Variants in ADRA1A observed in about 807,000 individuals in gnomAD.
ADRA1A encodes the protein alpha-1A adrenergic receptor.
ADRA1A carries 31 observed loss-of-function variants against 29.6 expected under a neutral mutation model. The observed-to-expected ratio is 1.05, with a 90% CI of 0.79 to 1.41. The LOEUF (loss-of-function observed/expected upper bound fraction) is 1.41. Ranked by LOEUF, ADRA1A falls within the 40% of genes most tolerant of loss-of-function variation. The pLI is 0.00. For missense variants in ADRA1A, 619 were observed against 601.1 expected, an observed-to-expected ratio of 1.03 and a Z score of -0.31; for synonymous variants, 311 against 254.3, an observed-to-expected ratio of 1.22 and a Z score of -2.12.
chr8:26,807,724 G>A (rs970706603), intron 2 of ADRA1A, among the ~76,000 whole-genome samples: 1 of 152,138 alleles, frequency 6.6e-6, no homozygotes, highest in African/African-American at 2.4e-5. Context: ...AAACTAGGAA[G>A]TTACTTAGAA....
At chr8:26,840,065 C>G (rs192543347) in intron 2 of ADRA1A, among the ~76,000 whole-genome samples, 1 of 152,338 alleles carries the variant, frequency 6.6e-6, no homozygotes, top group African/African-American at 2.4e-5. Context: ...TTGCACTTGG[C>G]TGGGGTTGTT....
chr8:26,824,862 T>A (rs1201987014), intron 2 of ADRA1A, among the ~76,000 whole-genome samples: 1 of 152,212 alleles, frequency 6.6e-6, no homozygotes, highest in Non-Finnish European at 1.5e-5. Context: ...TCATGTTAAA[T>A]GAGCCCATCT....
intron 2 of ADRA1A, among the ~76,000 whole-genome samples, chr8:26,820,470 ATACTTTC>A (rs1169965962): frequency 1.3e-5 from 2 of 152,182 alleles, no homozygotes; most frequent in Non-Finnish European, 2.9e-5. Context: ...AGCCCCAGGG[ATACTTTC>A]TTGACTAAAC....
At chr8:26,759,256 G>T (rs1455996388) in intron 2 of ADRA1A, among the ~76,000 whole-genome samples, 1 of 152,190 alleles carries the variant, frequency 6.6e-6, no homozygotes, top group Non-Finnish European at 1.5e-5. Context: ...TAGGTATCAG[G>T]GTTGCATATG....
In ADRA1A at chr8:26,859,013, A is replaced by G. The variant is rs1314483894; in HGVS notation, c.883+5074T>C. 3.3e-6 allele frequency: 4 copies of G among 1,209,296 alleles called. No individual in the cohort carries two copies. In the East Asian group the frequency reaches 1.7e-4, roughly 52 times the overall value. The allele number at this position is 1,209,296 out of a possible 1,614,324, so 74.9% of individuals were successfully genotyped here. On this transcript the variant is annotated intron_variant, in intron 2 of 2. Transcript: ENST00000380573. ...CACAATATACAGGAAGGACCTTTGC[A>G]GTCAAATAGCCTACTCACCTGATTT...
chr8:26,814,688 C>T lies in ADRA1A; in HGVS notation c.884-44022G>A, dbSNP rs74808974. 5.2e-3 allele frequency among the ~76,000 whole-genome samples: 788 copies of T among 152,274 alleles called. 2 individuals are homozygous for T. The highest frequency in any genetic ancestry group is 8.4e-3 in the Non-Finnish European group (573 of 68,016). On this transcript the variant is annotated intron_variant, in intron 2 of 2. Transcript: ENST00000380573. ...TCTTTCTCTCCATCTATTTACTCATCCATCTACCCTTCCATCTAGAGAGAT... is the reference window on the plus strand; with the variant it reads ...TCTTTCTCTCCATCTATTTACTCATTCATCTACCCTTCCATCTAGAGAGAT...
At chr8:26,759,054 G>C (rs536712080) in intron 2 of ADRA1A, among the ~76,000 whole-genome samples, 1 of 152,154 alleles carries the variant, frequency 6.6e-6, no homozygotes. Flanking sequence ...AAATGATTTC[G>C]TTGTCAGGAA....
At chr8:26,760,808 C>T (rs1805468103) in intron 2 of ADRA1A, among the ~76,000 whole-genome samples, 1 of 152,236 alleles carries the variant, frequency 6.6e-6, no homozygotes, top group African/African-American at 2.4e-5. Flanking sequence ...GCTGTGATTC[C>T]CCACTGCTGA....
chr8:26,840,189 A>T lies in ADRA1A; in HGVS notation c.883+23898T>A, dbSNP rs576302960. The stretch of plus-strand genomic sequence containing the variant: ...ATTCCCTTCCAATGGACACAGTTAG[A>T]CATATACAGAAGTCACAACTGGATG... On this transcript the variant is annotated intron_variant, in intron 2 of 2. Coordinates refer to ENST00000380573, the MANE Select transcript of ADRA1A (RefSeq NM_000680.4). 4.6e-5 allele frequency among the ~76,000 whole-genome samples: 7 copies of T among 152,344 alleles called. No homozygotes were observed. In the East Asian group the frequency reaches 1.4e-3, roughly 29 times the overall value.
At chr8:26,838,957 C>T (rs1811591974) in intron 2 of ADRA1A, among the ~76,000 whole-genome samples, 1 of 152,112 alleles carries the variant, frequency 6.6e-6, no homozygotes, top group South Asian at 2.1e-4. Flanking sequence ...CTAGCTCTAT[C>T]CTGGACAAGT....
rs549032450 is a variant in ADRA1A, at chr8:26,866,784, G to T, written c.-687+152C>A. Among the ~76,000 whole-genome samples, 10 of 152,240 alleles carry T rather than the reference G, an allele frequency of 6.6e-5. No individual in the cohort carries two copies. Among genetic ancestry groups the T allele is most frequent in the Non-Finnish European group, 1.3e-4 (9 of 68,042 alleles). On this transcript the variant is annotated intron_variant, in intron 1 of 2. Transcript: ENST00000380573. This position sits in a 1 kb window ranked among gnomAD's most constrained non-coding sequence, Gnocchi z 5.7. ...GAAGGCAACTTCGCAGAAGATGTAA[G>T]GGAATCGGGGGTGGGGTAGAGGGGC...
intron 2 of ADRA1A, among the ~76,000 whole-genome samples, chr8:26,855,895 C>T (rs1197279867): frequency 6.6e-6 from 1 of 152,158 alleles, no homozygotes; most frequent in Non-Finnish European, 1.5e-5. Flanking sequence ...AGAAAACTGT[C>T]CTCATATCCA....
In ADRA1A at chr8:26,823,640, A is replaced by G. The variant is rs1404894408; in HGVS notation, c.883+40447T>C. On this transcript the variant is annotated intron_variant, in intron 2 of 2. Transcript: ENST00000380573. The surrounding 1 kb of genome is among the most constrained non-coding windows in gnomAD (Gnocchi z 4.2). ...TGTCACCACCTATCTAAGTGGCACC[A>G]GGAAGCCCACCTTCCTTTTTCCTAT... Among the ~76,000 whole-genome samples the G allele has an allele frequency of 6.6e-6, 1 of 152,200 alleles. No individual in the cohort carries two copies. The highest frequency in any genetic ancestry group is 2.4e-5 in the African/African-American group (1 of 41,440).
chr8:26,794,999 T>A (rs1172462373), intron 2 of ADRA1A, among the ~76,000 whole-genome samples: 1 of 152,088 alleles, frequency 6.6e-6, no homozygotes, highest in Non-Finnish European at 1.5e-5. Flanking sequence ...AACGTTGTAT[T>A]TTTTAAAAAA....
At chr8:26,801,078 C>T (rs116936795) in intron 2 of ADRA1A, among the ~76,000 whole-genome samples, 106 of 152,204 alleles carry the variant, frequency 7.0e-4, no homozygotes, top group Middle Eastern at 6.8e-3. Context: ...AATTCAACAT[C>T]GCTTCATGAT....
downstream of ADRA1A, among the ~76,000 whole-genome samples, chr8:26,761,914 A>G (rs1412990308): frequency 6.6e-6 from 1 of 152,218 alleles, no homozygotes; most frequent in Non-Finnish European, 1.5e-5. Flanking sequence ...AGAGCGCCAG[A>G]AGAGAAAGAA....
chr8:26,795,445 G>T (rs1330113957), intron 2 of ADRA1A, among the ~76,000 whole-genome samples: 4 of 152,000 alleles, frequency 2.6e-5, no homozygotes, highest in Non-Finnish European at 5.9e-5. Flanking sequence ...GATAAGTAAA[G>T]AACCAGGCGT....
downstream of ADRA1A, among the ~76,000 whole-genome samples, chr8:26,767,726 T>C (rs865814140): frequency 5.3e-5 from 8 of 152,292 alleles, no homozygotes; most frequent in Middle Eastern, 3.4e-3. Flanking sequence ...TAAAGGATCA[T>C]CTCAAACATG....
At chr8:26,861,154 C>T (rs1387489533) in intron 2 of ADRA1A, among the ~76,000 whole-genome samples, 1 of 152,166 alleles carries the variant, frequency 6.6e-6, no homozygotes, top group African/African-American at 2.4e-5. Context: ...GCATGTGACA[C>T]AGCTGATTAC....
Sources: gnomAD v4.1 joint callset for allele counts (sites outside exome capture counted in the v4.1 genomes callset) on GRCh38, gnomAD v4.1.1 for gene constraint, Gnocchi (gnomAD v3.1) non-coding constraint, MANE v1.5 for transcripts, NCBI Gene and HGNC (gene_info 2026-07-23, HGNC 2026-07-21) for gene names.